Variants in WDFY3 observed in about 807,000 individuals in gnomAD.
The protein encoded by WDFY3 is WD repeat and FYVE domain-containing protein 3.
In WDFY3, 66 loss-of-function variants were observed where a neutral mutation model predicts 409.6. The observed-to-expected ratio is 0.16, with a 90% confidence interval of 0.13 to 0.20. The LOEUF (loss-of-function observed/expected upper bound fraction) is 0.20. WDFY3 is among the 10% of genes least tolerant of loss of function. The probability of loss-of-function intolerance (pLI) is 1.00; values close to 1 mark genes in which losing one functional copy is unlikely to be tolerated. For missense variants in WDFY3, 3,031 were observed against 4,298.1 expected (o/e 0.71, Z 8.24); for synonymous variants, 1,521 against 1,537.1 (o/e 0.99, Z 0.25).
Position 84,688,164 on chromosome 4 carries a change from A to T in WDFY3, c.9465T>A (p.Asp3155Glu), listed in dbSNP as rs763296861. Residue 3155 changes from aspartate (D) to glutamate (E), a missense_variant, in exon 62 of 68, where the codon GAT becomes GAA. Around this residue, in one of 16 missense-constraint regions of WDFY3, gnomAD observed 8 missense variants for 30.3 expected, o/e 0.26. Transcript: ENST00000295888. ...GGGTTAGAAATGACAGTTTGTTCAA[A>T]TCCCAAATGATACAGGTTCGATCAC... is the stretch of plus-strand genomic sequence containing the variant. ...GSRDRTCIIW[D>E]LNKLSFLTQL... 22 of 1,614,074 alleles carry T rather than the reference A, an allele frequency of 1.4e-5. No homozygotes were observed. The highest frequency in any genetic ancestry group is 1.9e-5 in the Non-Finnish European group (22 of 1,180,042).
At chr4:84,824,711 C>T in intron 10 of WDFY3, among the ~76,000 whole-genome samples, 1 of 152,126 alleles carries the variant, frequency 6.6e-6, no homozygotes, top group East Asian at 1.9e-4. Flanking sequence ...TCATCAAATT[C>T]AACACTCAAT....
At chr4:84,688,289 A>C in intron 61 of WDFY3, 24 bp from the exon 62 acceptor site, 1 of 1,604,846 alleles carries the variant, frequency 6.2e-7, no homozygotes, top group South Asian at 1.1e-5. Flanking sequence ...CAAACAAACA[A>C]AATCAGGTTG....
chr4:84,829,740 G>C (rs1322098284), intron 8 of WDFY3, among the ~76,000 whole-genome samples: 3 of 151,444 alleles, frequency 2.0e-5, no homozygotes, highest in Non-Finnish European at 4.4e-5. Flanking sequence ...CCGGGAGGCA[G>C]AGATTGCAGT....
intron 37 of WDFY3, among the ~76,000 whole-genome samples, chr4:84,743,077 A>G (rs1168402309): frequency 6.6e-6 from 1 of 152,180 alleles, no homozygotes; most frequent in Non-Finnish European, 1.5e-5. Context: ...TCGGGAAAAA[A>G]ATTGTAATTT....
At position 84,799,334 on chromosome 4, in the gene WDFY3, A is replaced by AT. The variant is rs1479939685; in HGVS notation, c.2823-1227dup. 3.5e-4 allele frequency among the ~76,000 whole-genome samples: 33 copies of AT among 94,070 alleles called. No homozygotes were observed. The South Asian group carries it at 0.01, about 29-fold the overall frequency. 61.7% of individuals were successfully genotyped at this position (94,070 alleles called of 152,430 possible). On this transcript the variant is annotated intron_variant, in intron 17 of 67. Coordinates refer to ENST00000295888, the MANE Select transcript of WDFY3 (RefSeq NM_014991.6). ...ACCATGCTAGTTAATACATATATAT[A>AT]TATATTTTTTTTTTTTTTGTAGAAA...
rs1265293898 is a variant in WDFY3 at position 84,849,949 on chromosome 4, C to A, written c.257G>T (p.Arg86Leu). ...CCTTCGAATTTCTGTCACCATTAGT[C>A]GTGAGACTTGTGTTGTGAACTGCAG... The part of the protein sequence containing the change: ...DLLQFTTQVS[R>L]LMVTEIRRRA... The change falls in exon 5 of 68, where the codon CGA becomes CTA. Residue 86 changes from arginine to leucine, a missense_variant. Transcript: ENST00000295888. 6.2e-7 allele frequency: 1 copy of A among 1,611,144 alleles called. No homozygotes were observed. The highest frequency in any genetic ancestry group is 1.3e-5 in the African/African-American group (1 of 74,912).
chr4:84,676,726 ATG>A (rs1405168557), intron 67 of WDFY3, among the ~76,000 whole-genome samples: 2 of 152,234 alleles, frequency 1.3e-5, no homozygotes, highest in Non-Finnish European at 2.9e-5. Flanking sequence ...TTCAAAAACA[ATG>A]TTGAGTAAGA....
intron 3 of WDFY3, among the ~76,000 whole-genome samples, chr4:84,882,966 CA>C (rs1578969742): frequency 1.3e-5 from 2 of 152,116 alleles, no homozygotes; most frequent in East Asian, 3.8e-4. Flanking sequence ...CTTGGACTCC[CA>C]AAGTGCTGGG....
At chr4:84,835,144 C>T (rs954154243) in intron 7 of WDFY3, among the ~76,000 whole-genome samples, 12 of 152,102 alleles carry the variant, frequency 7.9e-5, no homozygotes, top group African/African-American at 2.7e-4. Flanking sequence ...CCCACATGAT[C>T]GAAAGTCAGC....
At chr4:84,683,616 A>C (rs1019418066) in intron 63 of WDFY3, among the ~76,000 whole-genome samples, 3 of 152,174 alleles carry the variant, frequency 2.0e-5, no homozygotes, top group African/African-American at 7.2e-5. Context: ...CTACGAAGCC[A>C]TTTGACAGGC....
intron 2 of WDFY3, among the ~76,000 whole-genome samples, chr4:84,900,153 G>C (rs1025794770): frequency 1.4e-4 from 21 of 152,136 alleles, no homozygotes; most frequent in African/African-American, 4.8e-4. Context: ...CCAAAGAATG[G>C]AAACAACCCA....
intron 25 of WDFY3, among the ~76,000 whole-genome samples, chr4:84,781,542 T>C (rs1025814146): frequency 6.6e-6 from 1 of 152,000 alleles, no homozygotes; most frequent in Non-Finnish European, 1.5e-5. Context: ...TGAACCACCA[T>C]GCCCAGCCCA....
At chr4:84,701,938 T>C (rs968314835) in intron 56 of WDFY3, among the ~76,000 whole-genome samples, 3 of 152,224 alleles carry the variant, frequency 2.0e-5, no homozygotes, top group Admixed American at 6.5e-5. Context: ...TCAATAGTAA[T>C]ACTTTTCAAT....
At chr4:84,695,948 G>A (rs777261970) in intron 58 of WDFY3, 22 bp downstream of exon 58, 10 of 1,602,998 alleles carry the variant, frequency 6.2e-6, no homozygotes, top group Non-Finnish European at 8.5e-6. Context: ...GTACATCAAT[G>A]ACAAGAAAAA....
chr4:84,819,193 T>A (rs1393315130), intron 12 of WDFY3, among the ~76,000 whole-genome samples: 1 of 152,058 alleles, frequency 6.6e-6, no homozygotes, highest in Non-Finnish European at 1.5e-5. Context: ...AGATTCTAAT[T>A]CCCAGGGAGC....
chr4:84,720,828 A>G (rs1734740540), intron 47 of WDFY3, among the ~76,000 whole-genome samples: 1 of 132,592 alleles, frequency 7.5e-6, no homozygotes. Flanking sequence ...TGCAGAGTGG[A>G]AAAAAAAACA....
At chr4:84,769,321 C>T (rs530089987) in intron 30 of WDFY3, among the ~76,000 whole-genome samples, 1 of 152,300 alleles carries the variant, frequency 6.6e-6, no homozygotes, top group African/African-American at 2.4e-5. Context: ...GGTAAAATGC[C>T]ATCAAACAGT....
chr4:84,676,425 T>TTAAC (rs1057095475), intron 67 of WDFY3, among the ~76,000 whole-genome samples: 1 of 152,180 alleles, frequency 6.6e-6, no homozygotes, highest in African/African-American at 2.4e-5. Context: ...GGAGGTAGTA[T>TTAAC]TAACTAGCAC....
chr4:84,833,723 G>C (rs1290220400), intron 7 of WDFY3, among the ~76,000 whole-genome samples: 8 of 152,028 alleles, frequency 5.3e-5, no homozygotes, highest in Non-Finnish European at 1.0e-4. Flanking sequence ...GAACAGAAGA[G>C]AACAGAAGAG....
Sources: allele counts gnomAD v4.1 joint callset (sites outside exome capture counted in the v4.1 genomes callset), GRCh38; gene constraint gnomAD v4.1.1; regional missense constraint gnomAD v4.1.1; transcripts MANE v1.5; gene names NCBI Gene and HGNC (gene_info 2026-07-23, HGNC 2026-07-21).